SPATA6L: variants seen among roughly 807,000 people sequenced by gnomAD.
The protein encoded by SPATA6L is spermatogenesis associated 6-like protein.
SPATA6L carries 68 observed loss-of-function variants against 49.2 expected under a neutral mutation model. The ratio of observed to expected loss-of-function variants is 1.38; its 90% CI spans 1.14 to 1.69. The LOEUF (loss-of-function observed/expected upper bound fraction) is 1.69. Ranked by LOEUF, SPATA6L falls within the 40% of genes most tolerant of loss-of-function variation. The probability of loss-of-function intolerance (pLI) is 0.00; values close to 1 mark genes in which losing one functional copy is unlikely to be tolerated. For synonymous variants in SPATA6L, 198 were observed against 165.7 expected, an observed-to-expected ratio of 1.19 and a Z score of -1.50; for missense variants, 668 against 464.3, an observed-to-expected ratio of 1.44 and a Z score of -4.03.
chr9:4,663,400 T>G (rs1840335865), intron 1 of SPATA6L: 2 of 923,564 alleles, frequency 2.2e-6, no homozygotes, highest in Non-Finnish European at 3.4e-6. Flanking sequence ...TCCCATGATC[T>G]TGATGTGCTG....
At chr9:4,589,383 C>T (rs1309544320) in intron 13 of SPATA6L, among the ~76,000 whole-genome samples, 5 of 152,094 alleles carry the variant, frequency 3.3e-5, no homozygotes, top group Admixed American at 1.3e-4. Flanking sequence ...TTTTAGGATC[C>T]GTGTCCCTGA....
chr9:4,661,764 G>GCTT lies in SPATA6L; in HGVS notation c.177+134_177+135insAAG, dbSNP rs572709433. The GCTT allele has an allele frequency of 4.6e-4, 562 of 1,209,418 alleles. 1 individual carries two copies. Among genetic ancestry groups the GCTT allele is most frequent in the African/African-American group, 2.6e-3 (171 of 64,796 alleles). 74.9% of individuals were successfully genotyped at this position (1,209,418 alleles called of 1,614,324 possible). ...AAGCAAGTGTTCCGACTGCGGTTTTGCATTGTGCTGAAGTGCTTTCGGATA... is the reference window on the plus strand; with the variant it reads ...AAGCAAGTGTTCCGACTGCGGTTTTGCTTCATTGTGCTGAAGTGCTTTCGGATA... On this transcript the variant is annotated intron_variant, in intron 2 of 11. Coordinates refer to ENST00000682582, the MANE Select transcript of SPATA6L (RefSeq NM_001353486.2).
At chr9:4,625,622 T>A in intron 5 of SPATA6L, 56 bp from the exon 6 acceptor site, 1 of 1,277,066 alleles carries the variant, frequency 7.8e-7, no homozygotes. Flanking sequence ...AGAAGAAAAT[T>A]CAATCAGAAT....
chr9:4,649,241 C>T (rs1836248213), intron 3 of SPATA6L, among the ~76,000 whole-genome samples: 1 of 152,040 alleles, frequency 6.6e-6, no homozygotes, highest in Non-Finnish European at 1.5e-5. Flanking sequence ...AGACAGATAC[C>T]CTAGCAGTGG....
In SPATA6L at chr9:4,662,209, T is replaced by C; in HGVS notation, c.40-173A>G. The C allele has an allele frequency of 7.0e-7, 1 of 1,435,766 alleles. No homozygotes were observed. Among genetic ancestry groups the C allele is most frequent in the East Asian group, 2.5e-5 (1 of 39,870 alleles). 88.9% of individuals were successfully genotyped at this position (1,435,766 alleles called of 1,614,324 possible). On this transcript the variant is annotated intron_variant, in intron 1 of 11. Coordinates refer to ENST00000682582, the MANE Select transcript of SPATA6L (RefSeq NM_001353486.2). This position sits in a 1 kb window ranked among gnomAD's most constrained non-coding sequence, Gnocchi z 4.9. The stretch of plus-strand genomic sequence containing the variant: ...ATCCTCCCCTCTGCTCTCCTCACAT[T>C]GGAAATTCCAACTCCCTCCCACGTC...
Position 4,644,683 on chromosome 9 carries a change from T to A in SPATA6L, c.227-9284A>T, listed in dbSNP as rs200609024. Among the ~76,000 whole-genome samples the A allele has an allele frequency of 1.6e-3, 216 of 136,400 alleles. 1 individual carries two copies. Among genetic ancestry groups the A allele is most frequent in the Non-Finnish European group, 2.2e-3 (144 of 64,250 alleles). The allele number at this position is 136,400 out of a possible 152,430, so 89.5% of individuals were successfully genotyped here. A position where few individuals can be genotyped will look rare whatever the true frequency, so the allele number is the denominator to read the frequency against. ...TTCTCTCTCTCTCTCTCTCTCTCTC[T>A]CTCACACACACACACACACACACAC... On this transcript the variant is annotated intron_variant, in intron 3 of 11. Coordinates refer to ENST00000682582, the MANE Select transcript of SPATA6L (RefSeq NM_001353486.2).
At chr9:4,604,108 G>C in intron 11 of SPATA6L, 71 bp downstream of exon 11, 1 of 1,019,972 alleles carries the variant, frequency 9.8e-7, no homozygotes, top group Non-Finnish European at 1.5e-6. Flanking sequence ...TTGATAGGAG[G>C]AAACTGAAAT....
chr9:4,602,046 G>C (rs543110012), intron 11 of SPATA6L, among the ~76,000 whole-genome samples: 3 of 152,262 alleles, frequency 2.0e-5, no homozygotes, highest in South Asian at 2.1e-4. Flanking sequence ...GGATGGTATG[G>C]AGACTTCCAG....
chr9:4,657,840 T>G (rs431901), intron 2 of SPATA6L, among the ~76,000 whole-genome samples: 4 of 151,830 alleles, frequency 2.6e-5, no homozygotes, highest in Non-Finnish European at 5.9e-5. Flanking sequence ...TAGAGGTTCA[T>G]TGGTGGCATC....
In SPATA6L at chr9:4,598,801, G is replaced by C. The variant is rs1312450252; in HGVS notation, c.*2010C>G. ...TTCTTACTTTTGATGACTACTTAGA[G>C]GTAACATCAAAACAACAAATTGACA... is the stretch of plus-strand genomic sequence containing the variant. On this transcript the variant is annotated 3_prime_UTR_variant, in exon 12 of 12. Coordinates refer to ENST00000682582, the MANE Select transcript of SPATA6L (RefSeq NM_001353486.2). Among the ~76,000 whole-genome samples, 4 of 152,130 alleles carry C rather than the reference G, an allele frequency of 2.6e-5. No homozygotes were observed. The highest frequency in any genetic ancestry group is 4.4e-5 in the Non-Finnish European group (3 of 68,014).
intron 7 of SPATA6L, 44 bp downstream of exon 7, chr9:4,622,364 G>C (rs779859839): frequency 8.4e-7 from 1 of 1,193,696 alleles, no homozygotes; most frequent in South Asian, 1.2e-5. Flanking sequence ...GGACGCATTT[G>C]TTGCCATAGG....
chr9:4,660,995 C>G (rs569881025), intron 2 of SPATA6L, among the ~76,000 whole-genome samples: 111 of 152,086 alleles, frequency 7.3e-4, no homozygotes, highest in Admixed American at 1.2e-3. Context: ...AACACTTGGA[C>G]ACAGGGTGGG....
At chr9:4,657,181 A>C (rs1228778921) in intron 2 of SPATA6L, among the ~76,000 whole-genome samples, 4 of 148,756 alleles carry the variant, frequency 2.7e-5, no homozygotes, top group Non-Finnish European at 5.9e-5. Flanking sequence ...TCAGGCTTTA[A>C]AGTTCTGATT....
At position 4,662,539 on chromosome 9, in the gene SPATA6L, G is replaced by T; in HGVS notation, c.40-503C>A. ...CGCGCCACGGCCGTGGACCCCACCT[G>T]CGCCCGGCTCCGTGCATCGGAGAGC... is the stretch of plus-strand genomic sequence containing the variant. On this transcript the variant is annotated intron_variant, in intron 1 of 11. Transcript: ENST00000682582. The surrounding 1 kb of genome is among the most constrained non-coding windows in gnomAD (Gnocchi z 4.9). 1.3e-6 allele frequency: 2 copies of T among 1,568,966 alleles called. No individual in the cohort carries two copies. Among genetic ancestry groups the T allele is most frequent in the Non-Finnish European group, 1.7e-6 (2 of 1,166,970 alleles).
Position 4,599,214 on chromosome 9 carries a change from T to C in SPATA6L, c.*1597A>G, listed in dbSNP as rs1222104862. On this transcript the variant is annotated 3_prime_UTR_variant, in exon 12 of 12. Coordinates refer to ENST00000682582, the MANE Select transcript of SPATA6L (RefSeq NM_001353486.2). ...AGTCAGATGTGGAATTTTTCACTTA[T>C]GGTGTTATATTGGTGCTCAAAAAGT... 2.0e-5 allele frequency among the ~76,000 whole-genome samples: 3 copies of C among 152,240 alleles called. No homozygotes were observed. The highest frequency in any genetic ancestry group is 1.9e-4 in the East Asian group (1 of 5,194).
chr9:4,647,379 G>A (rs1019526762), intron 3 of SPATA6L, among the ~76,000 whole-genome samples: 7 of 152,100 alleles, frequency 4.6e-5, no homozygotes, highest in African/African-American at 1.7e-4. Flanking sequence ...ATCACCTGAC[G>A]TCAGGAGTTC....
At chr9:4,656,125 T>C (rs1416394596) in intron 2 of SPATA6L, 36 bp from the exon 3 acceptor site, 1 of 1,577,164 alleles carries the variant, frequency 6.3e-7, no homozygotes. Flanking sequence ...ATTTTCAAAG[T>C]TGTATTAATA....
rs964075783 is a variant in SPATA6L at position 4,625,430 on chromosome 9, T to C, written c.566A>G (p.Gln189Arg). ...CTGGAAGAAATGCCTGGTAGAATATTGAGAGGGCGCCCGGGCTTGCATGCC... is the reference window on the plus strand; with the variant it reads ...CTGGAAGAAATGCCTGGTAGAATATCGAGAGGGCGCCCGGGCTTGCATGCC... ...PKGMQARAPS[Q>R]YSTRHFFQDQ... The change falls in exon 6 of 12, where the codon CAA (glutamine) becomes CGA (arginine). Residue 189 changes from glutamine (Q) to arginine (R), a missense_variant. Transcript: ENST00000682582. The C allele has an allele frequency of 6.2e-7, 1 of 1,614,148 alleles. No homozygotes were observed. The highest frequency in any genetic ancestry group is 8.5e-7 in the Non-Finnish European group (1 of 1,180,014).
intron 3 of SPATA6L, chr9:4,646,541 A>C: frequency 6.7e-7 from 1 of 1,494,190 alleles, no homozygotes; most frequent in East Asian, 2.6e-5. Flanking sequence ...AAAAAGGAAA[A>C]AATGAGATTT....
Sources: allele counts gnomAD v4.1 joint callset (sites outside exome capture counted in the v4.1 genomes callset), GRCh38; gene constraint gnomAD v4.1.1; non-coding constraint Gnocchi (gnomAD v3.1); transcripts MANE v1.5; gene names NCBI Gene and HGNC (gene_info 2026-07-23, HGNC 2026-07-21).